The following PRELID2 variants were observed in gnomAD, a reference collection of about 807,000 sequenced individuals.
PRELID2 encodes the protein PRELI domain-containing protein 2.
Under a neutral mutation model 28.4 loss-of-function variants are expected in PRELID2, and 25 were observed. The ratio of observed to expected loss-of-function variants is 0.88; its 90% CI spans 0.64 to 1.23. The LOEUF (loss-of-function observed/expected upper bound fraction) is 1.23. Ranked by LOEUF, PRELID2 falls within the 50% of genes most tolerant of loss-of-function variation. The pLI is 0.00. For missense variants in PRELID2, 201 were observed against 214.4 expected (o/e 0.94, Z 0.39); for synonymous variants, 76 against 71.6 (o/e 1.06, Z -0.31).
chr5:145,686,507 C>T (rs1755041136), intron 1 of PRELID2, among the ~76,000 whole-genome samples: 1 of 152,038 alleles, frequency 6.6e-6, no homozygotes, highest in Admixed American at 6.6e-5. Flanking sequence ...TCTTCTAATC[C>T]CACTTTTGGA....
the PRELID2 span, among the ~76,000 whole-genome samples, chr5:145,314,227 C>T: frequency 6.6e-6 from 1 of 152,192 alleles, no homozygotes; most frequent in African/African-American, 2.4e-5. Flanking sequence ...GGTATGATTC[C>T]TAATCCCAGC....
At chr5:145,658,657 C>T (rs771790736) in intron 1 of PRELID2, among the ~76,000 whole-genome samples, 9 of 152,082 alleles carry the variant, frequency 5.9e-5, no homozygotes, top group African/African-American at 9.7e-5. Context: ...CTTTGCCTTC[C>T]GTCATGACTG....
chr5:145,621,268 TAAC>T (rs1035593710), intron 1 of PRELID2, among the ~76,000 whole-genome samples: 2 of 152,096 alleles, frequency 1.3e-5, no homozygotes, highest in African/African-American at 4.8e-5. Context: ...ATAATAATAA[TAAC>T]AACAACAGCA....
At chr5:145,500,720 G>A (rs1192002383) in intron 1 of PRELID2, among the ~76,000 whole-genome samples, 3 of 152,088 alleles carry the variant, frequency 2.0e-5, no homozygotes, top group African/African-American at 7.2e-5. Flanking sequence ...AGTAGCTTGG[G>A]CACGAGGCAT....
At chr5:145,708,413 T>C (rs1002490310) in intron 1 of PRELID2, among the ~76,000 whole-genome samples, 3 of 152,200 alleles carry the variant, frequency 2.0e-5, no homozygotes, top group Non-Finnish European at 2.9e-5. Context: ...AAATAGTTTA[T>C]TGAGTTAGAT....
the PRELID2 span, among the ~76,000 whole-genome samples, chr5:145,389,469 CAG>C: frequency 6.6e-6 from 1 of 152,104 alleles, no homozygotes; most frequent in Non-Finnish European, 1.5e-5. Context: ...CATAGTTCTC[CAG>C]AGAGTTTTTA....
At chr5:145,724,600 A>AATAAATATATATATATATAT (rs1308255896) in intron 1 of PRELID2, among the ~76,000 whole-genome samples, 2 of 24,788 alleles carry the variant, frequency 8.1e-5, no homozygotes, top group Non-Finnish European at 1.9e-4. Context: ...GAAGTAAATA[A>AATAAATATATATATATATAT]ATATATATAT....
chr5:145,619,725 C>A (rs1366682999), intron 1 of PRELID2, among the ~76,000 whole-genome samples: 1 of 152,168 alleles, frequency 6.6e-6, no homozygotes. Context: ...CTCGCATCCA[C>A]CATGATGCCT....
chr5:145,518,854 C>T (rs552965075), intron 1 of PRELID2, among the ~76,000 whole-genome samples: 1 of 152,326 alleles, frequency 6.6e-6, no homozygotes, highest in East Asian at 1.9e-4. Flanking sequence ...AGAACAATCC[C>T]TTACAATGAA....
the PRELID2 span, among the ~76,000 whole-genome samples, chr5:145,335,870 C>T: frequency 4.9e-3 from 752 of 152,286 alleles, 10 homozygotes; most frequent in African/African-American, 0.017. Flanking sequence ...AAGGGTTGAA[C>T]TTGTTTACAG....
At chr5:145,618,032 C>T (rs752391065) in intron 1 of PRELID2, among the ~76,000 whole-genome samples, 7 of 152,108 alleles carry the variant, frequency 4.6e-5, no homozygotes, top group African/African-American at 7.2e-5. Flanking sequence ...CATGCCCGGC[C>T]GATTGTTTTT....
chr5:145,321,019 A>G, the PRELID2 span, among the ~76,000 whole-genome samples: 1 of 152,210 alleles, frequency 6.6e-6, no homozygotes, highest in Non-Finnish European at 1.5e-5. Flanking sequence ...ATATGCAAAA[A>G]TTGAGGCTCA....
At chr5:145,544,502 G>T (rs994158014) in intron 1 of PRELID2, among the ~76,000 whole-genome samples, 2 of 152,036 alleles carry the variant, frequency 1.3e-5, no homozygotes, top group Admixed American at 1.3e-4. Context: ...TAGATCAGTT[G>T]CTTGTGAATT....
chr5:145,454,631 C>A, the PRELID2 span, among the ~76,000 whole-genome samples: 1 of 152,072 alleles, frequency 6.6e-6, no homozygotes, highest in Non-Finnish European at 1.5e-5. Flanking sequence ...TCTTATACAC[C>A]AATAACAGAC....
chr5:145,575,756 G>C (rs981776364), intron 1 of PRELID2, among the ~76,000 whole-genome samples: 1 of 152,126 alleles, frequency 6.6e-6, no homozygotes, highest in Admixed American at 6.6e-5. Context: ...CCTCAAGGGA[G>C]CATGAGGAAG....
the PRELID2 span, chr5:145,230,048 C>A: frequency 1.4e-6 from 1 of 693,098 alleles, no homozygotes; most frequent in South Asian, 1.4e-5. Context: ...AGTTCACTGC[C>A]AGATAGACCC....
At chr5:145,608,047 T>G (rs1477386022) in intron 1 of PRELID2, among the ~76,000 whole-genome samples, 1 of 151,948 alleles carries the variant, frequency 6.6e-6, no homozygotes, top group Non-Finnish European at 1.5e-5. Context: ...CCCGTTTTTT[T>G]TTTTTTTCTG....
Position 145,719,479 on chromosome 5 carries a change from T to C in PRELID2, n.70+45452A>G, listed in dbSNP as rs185611811. On this transcript the variant is annotated intron_variant and non_coding_transcript_variant, in intron 1 of 2. Transcript: ENST00000510259. Reference sequence around the variant, plus strand: ...GGTAGTAAAAATATTGGGAGATAAATGGTAACTTTCCCATTACGAGAGAGA... The same window carrying C: ...GGTAGTAAAAATATTGGGAGATAAACGGTAACTTTCCCATTACGAGAGAGA... 6.6e-5 allele frequency among the ~76,000 whole-genome samples: 10 copies of C among 151,468 alleles called. No individual in the cohort carries two copies. In the East Asian group the frequency reaches 7.7e-4, roughly 12 times the overall value.
intron 1 of PRELID2, among the ~76,000 whole-genome samples, chr5:145,745,390 C>T (rs1253035132): frequency 2.0e-5 from 3 of 152,060 alleles, no homozygotes; most frequent in African/African-American, 7.3e-5. Flanking sequence ...AGCAGATCAA[C>T]CTCAAGACAC....
Sources: allele counts gnomAD v4.1 joint callset (sites outside exome capture counted in the v4.1 genomes callset), GRCh38; gene constraint gnomAD v4.1.1; transcripts MANE v1.5; gene names NCBI Gene and HGNC (gene_info 2026-07-23, HGNC 2026-07-21).